Variants in COMMD1 observed in about 807,000 individuals in gnomAD.
COMMD1 encodes COMM domain-containing protein 1.
A neutral mutation model predicts 17.2 loss-of-function variants in COMMD1; 10 were observed. That is an observed-to-expected ratio of 0.58 (90% CI 0.36 to 0.99). The LOEUF (loss-of-function observed/expected upper bound fraction) is 0.99. Ranked by LOEUF, COMMD1 falls within the 50% of genes least tolerant of loss-of-function variation. The pLI, the probability that COMMD1 is intolerant of heterozygous loss-of-function variation, is 0.01. For synonymous variants in COMMD1, 97 were observed against 91.6 expected, an observed-to-expected ratio of 1.06 and a Z score of -0.34; for missense variants, 270 against 231.8, an observed-to-expected ratio of 1.17 and a Z score of -1.07.
intron 2 of COMMD1, among the ~76,000 whole-genome samples, chr2:62,019,003 C>A (rs1258652136): frequency 1.3e-5 from 2 of 151,762 alleles, no homozygotes; most frequent in African/African-American, 4.9e-5. Context: ...CAAACCCACT[C>A]CTACAACCAA....
chr2:61,900,076 C>G (rs1218653914), intron 1 of COMMD1, among the ~76,000 whole-genome samples: 1 of 152,216 alleles, frequency 6.6e-6, no homozygotes, highest in Non-Finnish European at 1.5e-5. Context: ...AAACCAAACT[C>G]TGTAAAATTT....
intron 1 of COMMD1, among the ~76,000 whole-genome samples, chr2:61,969,894 T>C (rs1162869498): frequency 2.0e-5 from 3 of 152,190 alleles, no homozygotes; most frequent in South Asian, 2.1e-4. Flanking sequence ...TCCAGCAATA[T>C]GTTTTTTTTC....
At chr2:61,899,509 T>A (rs1197592757) in intron 1 of COMMD1, among the ~76,000 whole-genome samples, 1 of 152,214 alleles carries the variant, frequency 6.6e-6, no homozygotes, top group Non-Finnish European at 1.5e-5. Context: ...TTATATTAAA[T>A]AAGTCTGTAT....
chr2:62,046,099 C>T (rs771699993), intron 2 of COMMD1, among the ~76,000 whole-genome samples: 2 of 152,182 alleles, frequency 1.3e-5, no homozygotes, highest in African/African-American at 4.8e-5. Flanking sequence ...TGACCAAGGA[C>T]AGCTTGGAGG....
At chr2:61,964,809 G>A (rs1671464823) in intron 1 of COMMD1, among the ~76,000 whole-genome samples, 1 of 152,190 alleles carries the variant, frequency 6.6e-6, no homozygotes, top group South Asian at 2.1e-4. Context: ...GGAGGTGAAG[G>A]TTGCAGTAAG....
At chr2:62,087,161 C>A (rs948940697) in intron 2 of COMMD1, among the ~76,000 whole-genome samples, 4 of 152,106 alleles carry the variant, frequency 2.6e-5, no homozygotes, top group African/African-American at 9.7e-5. Flanking sequence ...CTCCAAACAG[C>A]AAAATGTGTT....
intron 2 of COMMD1, among the ~76,000 whole-genome samples, chr2:62,002,066 A>C (rs1211367039): frequency 6.6e-6 from 1 of 152,210 alleles, no homozygotes; most frequent in Non-Finnish European, 1.5e-5. Context: ...GCTACTTGGG[A>C]GGCTGAGGCA....
intron 1 of COMMD1, among the ~76,000 whole-genome samples, chr2:61,942,813 C>T (rs369438596): frequency 2.0e-5 from 3 of 152,096 alleles, no homozygotes; most frequent in Non-Finnish European, 2.9e-5. Context: ...GCTGGGATTA[C>T]GGGCAGGAGC....
At chr2:61,894,049 G>A (rs1669500090) in intron 1 of COMMD1, among the ~76,000 whole-genome samples, 1 of 152,040 alleles carries the variant, frequency 6.6e-6, no homozygotes, top group African/African-American at 2.4e-5. Flanking sequence ...TCTAGTCTGG[G>A]CAACATAGCA....
At chr2:61,969,908 C>A (rs1172825485) in intron 1 of COMMD1, among the ~76,000 whole-genome samples, 1 of 151,422 alleles carries the variant, frequency 6.6e-6, no homozygotes, top group Non-Finnish European at 1.5e-5. Flanking sequence ...TTTTTTCTTG[C>A]AATATTAAAA....
At position 62,024,361 on chromosome 2, in the gene COMMD1, C is replaced by T. The variant is rs571630698; in HGVS notation, c.462+23379C>T. On this transcript the variant is annotated intron_variant, in intron 2 of 2. Transcript: ENST00000311832. ...CCTACTGAGTAGCTGGGACTACAGG[C>T]GCGCACCACCATGCTGGCTAATTGT... is the stretch of plus-strand genomic sequence containing the variant. Among the ~76,000 whole-genome samples, 27 of 152,174 alleles carry T rather than the reference C, an allele frequency of 1.8e-4. 1 individual carries two copies. In the East Asian group the frequency reaches 2.3e-3, roughly 13 times the overall value.
chr2:62,078,638 G>A (rs1344906266), intron 2 of COMMD1, among the ~76,000 whole-genome samples: 1 of 151,694 alleles, frequency 6.6e-6, no homozygotes, highest in Non-Finnish European at 1.5e-5. Context: ...GGAGGCCGAG[G>A]TGGGTGGATC....
chr2:61,985,196 G>A (rs1424275942), intron 1 of COMMD1, among the ~76,000 whole-genome samples: 4 of 151,882 alleles, frequency 2.6e-5, no homozygotes, highest in East Asian at 1.9e-4. Context: ...GACTACAGGC[G>A]CCCACCACCA....
chr2:61,888,717 C>T (rs13427909), upstream of COMMD1: 686 of 559,406 alleles, frequency 1.2e-3, 6 homozygotes, highest in African/African-American at 0.012. Context: ...GCGCGCCGGG[C>T]GAGGAGGATG....
At chr2:62,016,311 T>G (rs1466319310) in intron 2 of COMMD1, among the ~76,000 whole-genome samples, 1 of 150,214 alleles carries the variant, frequency 6.7e-6, no homozygotes, top group Non-Finnish European at 1.5e-5. Context: ...CAAGCTCCAG[T>G]GTTCCTCCCA....
intron 2 of COMMD1, among the ~76,000 whole-genome samples, chr2:62,059,400 C>A (rs528538891): frequency 6.6e-6 from 1 of 152,272 alleles, no homozygotes; most frequent in Non-Finnish European, 1.5e-5. Context: ...AAGCGATCCT[C>A]CCACCTTGGC....
chr2:61,917,651 C>T (rs1489784842), intron 1 of COMMD1, among the ~76,000 whole-genome samples: 2 of 152,032 alleles, frequency 1.3e-5, no homozygotes, highest in African/African-American at 2.4e-5. Context: ...CCTCAGCCTC[C>T]GGAGTAGCTG....
chr2:62,052,604 C>A (rs1441853818), intron 2 of COMMD1, among the ~76,000 whole-genome samples: 2 of 152,158 alleles, frequency 1.3e-5, no homozygotes, highest in Non-Finnish European at 2.9e-5. Context: ...TTAACATATT[C>A]ACATAATCTC....
At chr2:61,974,709 TA>T (rs1261949609) in intron 1 of COMMD1, among the ~76,000 whole-genome samples, 5 of 150,448 alleles carry the variant, frequency 3.3e-5, no homozygotes, top group African/African-American at 1.2e-4. Flanking sequence ...TTAAATAGGA[TA>T]TTTTTTAGAG....
Sources: allele counts gnomAD v4.1 joint callset (sites outside exome capture counted in the v4.1 genomes callset), GRCh38; gene constraint gnomAD v4.1.1; transcripts MANE v1.5; gene names NCBI Gene and HGNC (gene_info 2026-07-23, HGNC 2026-07-21).